ZNF521: variants seen among roughly 807,000 people sequenced by gnomAD.
The protein encoded by ZNF521 is zinc finger protein 521.
ZNF521 carries 14 observed loss-of-function variants against 105.5 expected under a neutral mutation model. That is an observed-to-expected ratio of 0.13 (90% CI 0.09 to 0.21). ZNF521 has a LOEUF of 0.21. Among genes scored for constraint, ZNF521 ranks in the 10% least tolerant of loss-of-function variants. The pLI is 1.00. For missense variants in ZNF521, 1,233 were observed against 1,629.7 expected, an observed-to-expected ratio of 0.76 and a Z score of 4.19; for synonymous variants, 635 against 606.0, an observed-to-expected ratio of 1.05 and a Z score of -0.70.
intron 3 of ZNF521, among the ~76,000 whole-genome samples, chr18:25,234,441 T>A (rs1024533125): frequency 3.9e-5 from 6 of 152,244 alleles, no homozygotes; most frequent in Non-Finnish European, 7.3e-5. Flanking sequence ...TTCATTGCTT[T>A]AATCCATTGA....
Position 25,289,760 on chromosome 18 carries a change from C to T in ZNF521, c.220+32248G>A, listed in dbSNP as rs186043320. On this transcript the variant is annotated intron_variant, in intron 3 of 7. Transcript: ENST00000361524. ...TAGGCTGTGAAAGGGTCTGAGTAAACGAAACATAAAGTCAAAATTGGGGGG... is the reference window on the plus strand; with the variant it reads ...TAGGCTGTGAAAGGGTCTGAGTAAATGAAACATAAAGTCAAAATTGGGGGG... Among the ~76,000 whole-genome samples, 24 of 152,144 alleles carry T rather than the reference C, an allele frequency of 1.6e-4. 1 individual carries two copies. The highest frequency in any genetic ancestry group is 3.4e-3 in the Middle Eastern group (1 of 294).
intron 3 of ZNF521, among the ~76,000 whole-genome samples, chr18:25,243,300 CGTCTACTCAAT>C (rs1250820274): frequency 6.6e-6 from 1 of 152,132 alleles, no homozygotes; most frequent in African/African-American, 2.4e-5. Flanking sequence ...CCTCAATTTA[CGTCTACTCAAT>C]GTCACATATG....
rs576167492 is a variant in ZNF521 at position 25,276,475 on chromosome 18, T to C, written c.220+45533A>G. Among the ~76,000 whole-genome samples, 52 of 152,292 alleles carry C rather than the reference T, an allele frequency of 3.4e-4. No homozygotes were observed. In the Middle Eastern group the frequency reaches 0.017, roughly 50 times the overall value. On this transcript the variant is annotated intron_variant, in intron 3 of 7. Coordinates refer to ENST00000361524, the MANE Select transcript of ZNF521 (RefSeq NM_015461.3). ...TACACAACAGCAACAAACACTCTCATAATTTCTAAGCAATGTAAAATATCA... is the reference window on the plus strand; with the variant it reads ...TACACAACAGCAACAAACACTCTCACAATTTCTAAGCAATGTAAAATATCA...
intron 3 of ZNF521, among the ~76,000 whole-genome samples, chr18:25,269,759 C>T (rs375945888): frequency 1.8e-4 from 27 of 152,248 alleles, no homozygotes; most frequent in Middle Eastern, 3.4e-3. Context: ...AAAGACACAA[C>T]GTACCAGAAT....
chr18:25,065,121 C>G (rs1599952640), intron 7 of ZNF521, among the ~76,000 whole-genome samples: 1 of 152,192 alleles, frequency 6.6e-6, no homozygotes, highest in African/African-American at 2.4e-5. Flanking sequence ...TACACCACAT[C>G]TAAGCCTTCT....
At chr18:25,321,457 G>A (rs981235456) in intron 3 of ZNF521, among the ~76,000 whole-genome samples, 10 of 152,182 alleles carry the variant, frequency 6.6e-5, no homozygotes, top group African/African-American at 2.4e-4. Context: ...CTTAGATAAT[G>A]CGAGAATGAA....
intron 5 of ZNF521, among the ~76,000 whole-genome samples, chr18:25,157,695 CT>C (rs2144510323): frequency 6.6e-6 from 1 of 152,256 alleles, no homozygotes; most frequent in East Asian, 1.9e-4. Flanking sequence ...AACTTCCAAA[CT>C]GCTCAGTTCA....
intron 3 of ZNF521, among the ~76,000 whole-genome samples, chr18:25,228,073 G>T (rs1906296907): frequency 1.3e-5 from 2 of 152,046 alleles, no homozygotes; most frequent in South Asian, 4.2e-4. Context: ...TGCATATTAT[G>T]TGAGCATCTG....
intron 5 of ZNF521, among the ~76,000 whole-genome samples, chr18:25,122,505 T>C (rs1213661611): frequency 6.6e-6 from 1 of 152,234 alleles, no homozygotes; most frequent in Non-Finnish European, 1.5e-5. Context: ...AAATGTCTAA[T>C]ATTTATTTAA....
intron 5 of ZNF521, among the ~76,000 whole-genome samples, chr18:25,133,762 T>C (rs903360009): frequency 1.8e-4 from 28 of 152,162 alleles, no homozygotes; most frequent in African/African-American, 6.3e-4. Flanking sequence ...AGCTGCTGAT[T>C]GAACAATAGT....
chr18:25,311,390 A>C (rs1912297896), intron 3 of ZNF521, among the ~76,000 whole-genome samples: 1 of 151,950 alleles, frequency 6.6e-6, no homozygotes, highest in Non-Finnish European at 1.5e-5. Flanking sequence ...ATGTAAAAAA[A>C]AAAAAAAAAA....
chr18:25,242,562 G>A (rs893499195), intron 3 of ZNF521, among the ~76,000 whole-genome samples: 15 of 151,940 alleles, frequency 9.9e-5, no homozygotes, highest in African/African-American at 3.6e-4. Context: ...AGTTTAATTT[G>A]TAATTCCTTT....
At chr18:25,182,194 A>C (rs1312606872) in intron 5 of ZNF521, among the ~76,000 whole-genome samples, 2 of 152,128 alleles carry the variant, frequency 1.3e-5, no homozygotes, top group African/African-American at 4.8e-5. Context: ...CTCTTGCAGT[A>C]CTCTGACCAC....
chr18:25,342,431 G>GTTTGT (rs1169036738), intron 2 of ZNF521, among the ~76,000 whole-genome samples: 1 of 147,852 alleles, frequency 6.8e-6, no homozygotes, highest in Non-Finnish European at 1.5e-5. Flanking sequence ...TTGTTTGTTT[G>GTTTGT]TTTTTTTTGA....
At chr18:25,135,279 CGTGTGTGT>C (rs35980671) in intron 5 of ZNF521, among the ~76,000 whole-genome samples, 14 of 146,112 alleles carry the variant, frequency 9.6e-5, no homozygotes, top group Admixed American at 2.7e-4. Context: ...TATATGTATA[CGTGTGTGT>C]GTGTGTGTGT....
chr18:25,118,612 C>A (rs1413458066), intron 5 of ZNF521, among the ~76,000 whole-genome samples: 1 of 151,704 alleles, frequency 6.6e-6, no homozygotes, highest in Non-Finnish European at 1.5e-5. Flanking sequence ...AAAATCCCTA[C>A]AACAACCACT....
intron 7 of ZNF521, among the ~76,000 whole-genome samples, chr18:25,087,472 C>A (rs2033648696): frequency 6.6e-6 from 1 of 152,140 alleles, no homozygotes; most frequent in Non-Finnish European, 1.5e-5. Context: ...AAGTTTGTTG[C>A]AAACATTTTT....
At chr18:25,095,468 T>C (rs1438929747) in intron 5 of ZNF521, among the ~76,000 whole-genome samples, 1 of 152,188 alleles carries the variant, frequency 6.6e-6, no homozygotes, top group African/African-American at 2.4e-5. Context: ...AATAGGCTAG[T>C]ACAGCCCTAT....
intron 3 of ZNF521, among the ~76,000 whole-genome samples, chr18:25,260,339 T>C (rs1908821699): frequency 1.3e-5 from 2 of 152,106 alleles, no homozygotes; most frequent in Non-Finnish European, 2.9e-5. Flanking sequence ...GTTGGTAGTT[T>C]AGTGCATTTC....
Sources: gnomAD v4.1 joint callset for allele counts (sites outside exome capture counted in the v4.1 genomes callset) on GRCh38, gnomAD v4.1.1 for gene constraint, MANE v1.5 for transcripts, NCBI Gene and HGNC (gene_info 2026-07-23, HGNC 2026-07-21) for gene names.